TANC2: variants seen among roughly 807,000 people sequenced by gnomAD.
TANC2 encodes tetratricopeptide repeat, ankyrin repeat and coiled-coil containing 2.
In TANC2, 26 loss-of-function variants were observed where a neutral mutation model predicts 210.5. That is an observed-to-expected ratio of 0.12 (90% CI 0.09 to 0.17). The LOEUF (loss-of-function observed/expected upper bound fraction) is 0.17, where lower values mean the gene tolerates loss of function less well. TANC2 is among the 10% of genes least tolerant of loss of function. The pLI, the probability that TANC2 is intolerant of heterozygous loss-of-function variation, is 1.00. For missense variants in TANC2, 2,129 were observed against 2,608.9 expected (o/e 0.82, Z 4.01); for synonymous variants, 931 against 967.1 (o/e 0.96, Z 0.69).
At chr17:63,374,323 C>T (rs975226571) in intron 14 of TANC2, among the ~76,000 whole-genome samples, 3 of 152,074 alleles carry the variant, frequency 2.0e-5, no homozygotes, top group Non-Finnish European at 4.4e-5. Context: ...CAGGTGTGAG[C>T]CATCATGCCT....
rs1319330076 is a variant in TANC2 at position 63,395,938 on chromosome 17, AG to A, written c.3237+12del. ...CATGGGTTATACTGAGGTAAGAAGT[AG>A]GCAATAGGATTGTTTTTTCAAGCTC... On this transcript the variant is annotated intron_variant, in intron 18 of 27. Coordinates refer to ENST00000689528, the Ensembl canonical transcript of TANC2. 3.8e-6 allele frequency: 6 copies of A among 1,597,688 alleles called. No homozygotes were observed. The highest frequency in any genetic ancestry group is 4.3e-6 in the Non-Finnish European group (5 of 1,171,066).
intron 1 of TANC2, among the ~76,000 whole-genome samples, chr17:63,001,865 TAAGGGATTTGATATG>T (rs1445723246): frequency 3.3e-5 from 5 of 152,166 alleles, no homozygotes; most frequent in African/African-American, 1.2e-4. Flanking sequence ...GATTTCTTTA[TAAGGGATTTGATATG>T]GACAATGGTA....
chr17:63,206,187 G>T (rs554383358), intron 7 of TANC2, among the ~76,000 whole-genome samples: 2 of 152,132 alleles, frequency 1.3e-5, no homozygotes, highest in African/African-American at 4.8e-5. Context: ...ATTATAAAAA[G>T]AAAGTGGAAC....
At chr17:63,317,318 C>G (rs375577813) in intron 10 of TANC2, among the ~76,000 whole-genome samples, 2 of 149,550 alleles carry the variant, frequency 1.3e-5, no homozygotes, top group Non-Finnish European at 1.5e-5. Flanking sequence ...GCCCGCCCCC[C>G]TCCTTGTCAT....
At chr17:63,166,356 T>C (rs1468279298) in intron 5 of TANC2, among the ~76,000 whole-genome samples, 1 of 152,188 alleles carries the variant, frequency 6.6e-6, no homozygotes, top group Non-Finnish European at 1.5e-5. Context: ...GGACTTTTTT[T>C]CCATTTATCT....
At chr17:63,275,706 C>G (rs2043850736) in intron 9 of TANC2, among the ~76,000 whole-genome samples, 1 of 152,064 alleles carries the variant, frequency 6.6e-6, no homozygotes, top group Admixed American at 6.6e-5. Flanking sequence ...AGATTCAAAA[C>G]CCAAGGATAA....
chr17:63,123,907 T>C (rs1176672860), intron 4 of TANC2, among the ~76,000 whole-genome samples: 4 of 151,946 alleles, frequency 2.6e-5, no homozygotes. Flanking sequence ...TTCACCATCT[T>C]GGCCAGGCTG....
intron 2 of TANC2, among the ~76,000 whole-genome samples, chr17:63,015,223 G>A (rs1021425064): frequency 6.6e-6 from 1 of 151,594 alleles, no homozygotes; most frequent in Non-Finnish European, 1.5e-5. Flanking sequence ...GTCTTAATTT[G>A]TCTTTTAAAT....
chr17:63,340,976 G>A lies in TANC2; in HGVS notation c.1807+644G>A, dbSNP rs188564038. On this transcript the variant is annotated intron_variant, in intron 12 of 27. Transcript: ENST00000689528. ...AGTTCTAGTGTTAGCAGTGGCCTAAGTGCAACCATTTCCTTGAAAATGGTA... is the reference window on the plus strand; with the variant it reads ...AGTTCTAGTGTTAGCAGTGGCCTAAATGCAACCATTTCCTTGAAAATGGTA... Among the ~76,000 whole-genome samples, 178 of 152,260 alleles carry A rather than the reference G, an allele frequency of 1.2e-3. 1 individual carries two copies. The highest frequency in any genetic ancestry group is 4.1e-3 in the African/African-American group (171 of 41,556).
At chr17:63,284,319 T>C (rs543034573) in intron 9 of TANC2, among the ~76,000 whole-genome samples, 48 of 152,146 alleles carry the variant, frequency 3.2e-4, no homozygotes, top group African/African-American at 1.1e-3. Context: ...TTTAATATAT[T>C]GATGGATTCA....
chr17:63,141,954 CATT>C (rs1450753816), intron 4 of TANC2, among the ~76,000 whole-genome samples: 1 of 152,092 alleles, frequency 6.6e-6, no homozygotes, highest in Non-Finnish European at 1.5e-5. Flanking sequence ...AAAATGGTAT[CATT>C]AATTTTTAAA....
chr17:63,348,577 G>A (rs1190060215), intron 12 of TANC2, among the ~76,000 whole-genome samples: 1 of 152,114 alleles, frequency 6.6e-6, no homozygotes, highest in Non-Finnish European at 1.5e-5. Flanking sequence ...CCATATATAT[G>A]TATGTAAAGA....
At chr17:63,047,837 C>T (rs575965807) in intron 2 of TANC2, among the ~76,000 whole-genome samples, 1 of 152,152 alleles carries the variant, frequency 6.6e-6, no homozygotes, top group Admixed American at 6.5e-5. Context: ...TTTTATGTGG[C>T]AACTGAAGCC....
At chr17:63,194,329 T>G (rs914402955) in intron 6 of TANC2, among the ~76,000 whole-genome samples, 190 bp downstream of exon 6, 1 of 152,218 alleles carries the variant, frequency 6.6e-6, no homozygotes, top group Non-Finnish European at 1.5e-5. Context: ...AAAGCCACTT[T>G]TAGGTTTTGA....
chr17:63,350,337 C>T (rs2046559845), intron 12 of TANC2, among the ~76,000 whole-genome samples: 1 of 152,132 alleles, frequency 6.6e-6, no homozygotes, highest in African/African-American at 2.4e-5. Context: ...CCTGTGAGAT[C>T]CTGCTAACAA....
intron 12 of TANC2, 76 bp from the exon 13 acceptor site, chr17:63,351,174 T>C: frequency 7.7e-7 from 1 of 1,292,360 alleles, no homozygotes; most frequent in Admixed American, 2.4e-5. Context: ...TCCAAAGAAA[T>C]ATGTGATCAA....
chr17:63,111,803 G>A (rs2038058109), intron 4 of TANC2, among the ~76,000 whole-genome samples: 2 of 152,084 alleles, frequency 1.3e-5, no homozygotes, highest in Non-Finnish European at 2.9e-5. Flanking sequence ...TCAGCTCACT[G>A]CAACCTCCGC....
chr17:63,270,381 A>G (rs1053365325), intron 9 of TANC2, among the ~76,000 whole-genome samples: 17 of 152,162 alleles, frequency 1.1e-4, no homozygotes, highest in Non-Finnish European at 7.4e-5. Context: ...TATATCCACA[A>G]TGTTGTACTT....
chr17:63,117,853 A>G (rs1163000005), intron 4 of TANC2, among the ~76,000 whole-genome samples: 2 of 152,354 alleles, frequency 1.3e-5, no homozygotes, highest in African/African-American at 4.8e-5. Context: ...ACACAGCCTA[A>G]GATAATTTGA....
Sources: gnomAD v4.1 joint callset for allele counts (sites outside exome capture counted in the v4.1 genomes callset) on GRCh38, gnomAD v4.1.1 for gene constraint, MANE v1.5 for transcripts, NCBI Gene and HGNC (gene_info 2026-07-23, HGNC 2026-07-21) for gene names.